The following CTSF variants were observed in gnomAD, a reference collection of about 807,000 sequenced individuals.
CTSF encodes cathepsin F.
In CTSF, 65 loss-of-function variants were observed where a neutral mutation model predicts 63.5. The ratio of observed to expected loss-of-function variants is 1.02; its 90% confidence interval spans 0.84 to 1.26. The LOEUF is 1.26. Ranked by LOEUF, CTSF falls within the 50% of genes most tolerant of loss-of-function variation. The pLI is 0.00. For synonymous variants in CTSF, 256 were observed against 258.1 expected, an observed-to-expected ratio of 0.99 and a Z score of 0.08; for missense variants, 641 against 631.0, an observed-to-expected ratio of 1.02 and a Z score of -0.17.
rs1857909672 is a variant in CTSF, at chr11:66,565,589, A to C, written c.1045+82T>G. ...CCAGTTCTGTGTAACTCTCATGCTC[A>C]TGTCTCCCCCCCATTATGAAGTAAC... On this transcript the variant is annotated intron_variant, in intron 8 of 12. Coordinates refer to ENST00000310325, the MANE Select transcript of CTSF (RefSeq NM_003793.4). 76 of 1,574,972 alleles carry C rather than the reference A, an allele frequency of 4.8e-5. 2 individuals carry two copies. The South Asian group carries it at 8.1e-4, about 17-fold the overall frequency.
chr11:66,567,993 C>T lies in CTSF; in HGVS notation c.303G>A (p.Lys101=). The change falls in exon 2 of 13, where the codon AAG becomes AAA. Residue 101 remains lysine (K), a synonymous_variant. Coordinates refer to ENST00000310325, the MANE Select transcript of CTSF (RefSeq NM_003793.4). ...DPMVCRLPVS[K]KTLLCSFQVL... ...GAGCCTCATCACTCACCAGGGTTTT[C>T]TTGGACACGGGGAGCCGGCACACCA... 6.3e-7 allele frequency: 1 copy of T among 1,592,474 alleles called. No individual in the cohort carries two copies. Among genetic ancestry groups the T allele is most frequent in the East Asian group, 2.3e-5 (1 of 44,444 alleles).
rs771117136 is a variant in CTSF, at chr11:66,565,890, C to A, written c.905G>T (p.Gly302Val). ...CGSCWAFSVT[G>V]NVEGQWFLNQ... ...GAGAAACCACTGGCCCTCCACATTG[C>A]CTGTGACTGAGAAGGCCCAGCAGGA... The change falls in exon 7 of 13, where the codon GGC (glycine) becomes GTC (valine). Residue 302 changes from glycine to valine, a missense_variant. Gly to Val is a moderately radical substitution (Grantham distance 109). Transcript: ENST00000310325. 1 of 1,614,076 alleles carries A rather than the reference C, an allele frequency of 6.2e-7. No homozygotes were observed. Among genetic ancestry groups the A allele is most frequent in the African/African-American group, 1.3e-5 (1 of 75,054 alleles).
intron 4 of CTSF, 40 bp downstream of exon 4, chr11:66,567,206 G>A (rs763186002): frequency 6.2e-7 from 1 of 1,607,824 alleles, no homozygotes; most frequent in East Asian, 2.2e-5. Context: ...GGAAAGTCCT[G>A]TTCTGATAGG....
At chr11:66,566,555 T>G in intron 4 of CTSF, 151 bp from the exon 5 acceptor site, 1 of 688,688 alleles carries the variant, frequency 1.5e-6, no homozygotes, top group Non-Finnish European at 2.5e-6. Context: ...GATCAACTTT[T>G]AGGGCCAAAC....
At chr11:66,566,818 G>A (rs1046401664) in intron 4 of CTSF, among the ~76,000 whole-genome samples, 1 of 151,958 alleles carries the variant, frequency 6.6e-6, no homozygotes, top group Non-Finnish European at 1.5e-5. Context: ...CCGCCTCCCA[G>A]GTTCAAGTGA....
At position 66,568,561 on chromosome 11, in the gene CTSF, G is replaced by A; in HGVS notation, c.-75C>T. On this transcript the variant is annotated 5_prime_UTR_variant, in exon 1 of 13. Transcript: ENST00000310325. Reference sequence around the variant, plus strand: ...ACCGGGTACCGAGCCCGCGGCCAGCGGGGCCTGAGTCCTCCCTCCAGCGGG... The same window carrying A: ...ACCGGGTACCGAGCCCGCGGCCAGCAGGGCCTGAGTCCTCCCTCCAGCGGG... 7 of 1,433,338 alleles carry A rather than the reference G, an allele frequency of 4.9e-6. No homozygotes were observed. Among genetic ancestry groups the A allele is most frequent in the Middle Eastern group, 2.5e-4 (1 of 4,014 alleles). 88.8% of individuals were successfully genotyped at this position (1,433,338 alleles called of 1,614,324 possible). A position where few individuals can be genotyped will look rare whatever the true frequency, so the allele number is the denominator to read the frequency against.
chr11:66,567,109 AG>A (rs1234658059), intron 4 of CTSF, 136 bp downstream of exon 4: 8 of 873,386 alleles, frequency 9.2e-6, no homozygotes, highest in Admixed American at 7.8e-5. Flanking sequence ...GGGAAGGCTT[AG>A]GGAGAGCTCA....
chr11:66,564,010 G>A lies in CTSF; in HGVS notation c.1381-3C>T, dbSNP rs111940284. ...CCACGATGCAAGTAGTAGTAACCCT[G>A]GGGGAGAGGGGGAGCTGGTGAGGGC... On this transcript the variant is annotated splice_polypyrimidine_tract_variant and splice_region_variant and intron_variant, in intron 12 of 12. Coordinates refer to ENST00000310325, the MANE Select transcript of CTSF (RefSeq NM_003793.4). The A allele has an allele frequency of 6.2e-7, 1 of 1,613,284 alleles. No homozygotes were observed. The highest frequency in any genetic ancestry group is 8.5e-7 in the Non-Finnish European group (1 of 1,179,528).
Position 66,568,017 on chromosome 11 carries a change from C to G in CTSF, c.279G>C (p.Met93Ile). The G allele has an allele frequency of 6.2e-7, 1 of 1,601,664 alleles. No individual in the cohort carries two copies. Among genetic ancestry groups the G allele is most frequent in the Non-Finnish European group, 8.5e-7 (1 of 1,175,138 alleles). ...TLEEPPCNDP[M>I]VCRLPVSKKT... The stretch of plus-strand genomic sequence containing the variant: ...TCTTGGACACGGGGAGCCGGCACAC[C>G]ATGGGGTCGTTGCAGGGTGGCTCCT... The change falls in exon 2 of 13, where the codon ATG (methionine) becomes ATC (isoleucine). Residue 93 changes from methionine to isoleucine, a missense_variant. Coordinates refer to ENST00000310325, the MANE Select transcript of CTSF (RefSeq NM_003793.4).
At chr11:66,564,494 G>T in intron 11 of CTSF, 64 bp downstream of exon 11, 2 of 1,386,308 alleles carry the variant, frequency 1.4e-6, no homozygotes, top group Non-Finnish European at 2.0e-6. Flanking sequence ...TAGAGGACCT[G>T]AGATGCTGTG....
intron 11 of CTSF, 50 bp downstream of exon 11, chr11:66,564,508 C>A: frequency 6.8e-7 from 1 of 1,460,776 alleles, no homozygotes; most frequent in Admixed American, 2.1e-5. Context: ...TGCTGTGATC[C>A]CACCCCTGCC....
At position 66,563,730 on chromosome 11, in the gene CTSF, A is replaced by C. The variant is rs1857858801; in HGVS notation, c.*203T>G. On this transcript the variant is annotated 3_prime_UTR_variant, in exon 13 of 13. Transcript: ENST00000310325. ...CTCCTAAGCTACCACAATTCAACAAAGGTGCAGGTGCAGAACTTCAGGGTG... is the reference window on the plus strand; with the variant it reads ...CTCCTAAGCTACCACAATTCAACAACGGTGCAGGTGCAGAACTTCAGGGTG... The C allele has an allele frequency of 1.6e-6, 1 of 629,776 alleles. No individual in the cohort carries two copies. The highest frequency in any genetic ancestry group is 1.8e-5 in the African/African-American group (1 of 54,530). The allele number at this position is 629,776 out of a possible 1,614,324, so 39.0% of individuals were successfully genotyped here.
rs766453048 is a variant in CTSF at position 66,565,705 on chromosome 11, C to T, written c.1011G>A (p.Leu337=). Residue 337 remains leucine (L), a synonymous_variant, in exon 8 of 13, where the codon TTG becomes TTA. Coordinates refer to ENST00000310325, the MANE Select transcript of CTSF (RefSeq NM_003793.4). ...TTATGGCCGAGTAGGCATTGGAGGGCAAGCCGCCCATGCAGGCCTTGTCCA... is the reference window on the plus strand; with the variant it reads ...TTATGGCCGAGTAGGCATTGGAGGGTAAGCCGCCCATGCAGGCCTTGTCCA... ...DKMDKACMGG[L]PSNAYSAIKN... is the part of the protein sequence containing the mutation. 2.5e-6 allele frequency: 4 copies of T among 1,613,726 alleles called. No homozygotes were observed. Among genetic ancestry groups the T allele is most frequent in the Non-Finnish European group, 3.4e-6 (4 of 1,180,050 alleles).
chr11:66,566,278 C>T lies in CTSF; in HGVS notation c.721+13G>A, dbSNP rs1857930563. ...CTTCCTGGATCCATGAGGACTGTGG[C>T]CACTATCCCTACCTGTGAGATCACT... On this transcript the variant is annotated intron_variant, in intron 5 of 12. Coordinates refer to ENST00000310325, the MANE Select transcript of CTSF (RefSeq NM_003793.4). The T allele has an allele frequency of 6.2e-7, 1 of 1,614,116 alleles. No individual in the cohort carries two copies. Among genetic ancestry groups the T allele is most frequent in the Non-Finnish European group, 8.5e-7 (1 of 1,179,990 alleles).
Position 66,568,560 on chromosome 11 carries a change from C to CG in CTSF, c.-75dup. On this transcript the variant is annotated 5_prime_UTR_variant, in exon 1 of 13. Coordinates refer to ENST00000310325, the MANE Select transcript of CTSF (RefSeq NM_003793.4). ...CACCGGGTACCGAGCCCGCGGCCAG[C>CG]GGGGCCTGAGTCCTCCCTCCAGCGG... The CG allele has an allele frequency of 1.4e-6, 2 of 1,440,078 alleles. No individual in the cohort carries two copies. Among genetic ancestry groups the CG allele is most frequent in the Non-Finnish European group, 1.8e-6 (2 of 1,101,062 alleles). The allele number at this position is 1,440,078 out of a possible 1,614,324, so 89.2% of individuals were successfully genotyped here. A position where few individuals can be genotyped will look rare whatever the true frequency, so the allele number is the denominator to read the frequency against.
intron 1 of CTSF, 89 bp downstream of exon 1, chr11:66,568,185 T>C (rs1290745439): frequency 1.3e-6 from 2 of 1,535,212 alleles, no homozygotes; most frequent in Non-Finnish European, 1.8e-6. Flanking sequence ...GATCGGTTCG[T>C]CCAGCGGGCA....
chr11:66,568,372 G>C lies in CTSF; in HGVS notation c.115C>G (p.Leu39Val). The stretch of plus-strand genomic sequence containing the variant: ...AGCGCGAAGCGGGTGGGCGCCAGCA[G>C]CTCCGGGGACGGCGGCCCCCAGGCC... ...FQAWGPPSPE[L>V]LAPTRFALEM... Residue 39 changes from leucine (L) to valine (V), a missense_variant, in exon 1 of 13, where the codon CTG becomes GTG. Transcript: ENST00000310325. 7.7e-7 allele frequency: 1 copy of C among 1,305,632 alleles called. No individual in the cohort carries two copies. The highest frequency in any genetic ancestry group is 9.7e-7 in the Non-Finnish European group (1 of 1,035,520). The allele number at this position is 1,305,632 out of a possible 1,614,324, so 80.9% of individuals were successfully genotyped here. A position where few individuals can be genotyped will look rare whatever the true frequency, so the allele number is the denominator to read the frequency against.
In CTSF at chr11:66,566,299, T is replaced by A; in HGVS notation, c.713A>T (p.Asp238Val). 6.2e-7 allele frequency: 1 copy of A among 1,614,058 alleles called. No individual in the cohort carries two copies. The highest frequency in any genetic ancestry group is 1.1e-5 in the South Asian group (1 of 91,068). The change falls in exon 5 of 13, where the codon GAT (aspartate) becomes GTT (valine). Residue 238 changes from aspartate to valine, a missense_variant. Physicochemically the swap from Asp to Val is radical, Grantham distance 152. Transcript: ENST00000310325. The part of the protein sequence containing the change: ...TAQYGVTKFS[D>V]LTEEEFRTIY... ...GTGGCCACTATCCCTACCTGTGAGA[T>A]CACTGAACTTGGTGACTCCATACTG...
chr11:66,567,255 A>C lies in CTSF; in HGVS notation c.598T>G (p.Ser200Ala), dbSNP rs1857951340. The part of the protein sequence containing the change: ...FVITYNRTYE[S>A]KEEARWRLSV... ...AAGGCTGGGTCCTCACCTTCCTTTG[A>C]CTCATATGTCCGGTTATAGGTAATG... is the stretch of plus-strand genomic sequence containing the variant. The change falls in exon 4 of 13, where the codon TCA becomes GCA. Residue 200 changes from serine (S) to alanine (A), a missense_variant. Ser to Ala is a moderately conservative substitution (Grantham distance 99). Transcript: ENST00000310325. 1.9e-6 allele frequency: 3 copies of C among 1,613,920 alleles called. No individual in the cohort carries two copies. The highest frequency in any genetic ancestry group is 2.5e-6 in the Non-Finnish European group (3 of 1,179,942).
Sources: allele counts gnomAD v4.1 joint callset (sites outside exome capture counted in the v4.1 genomes callset), GRCh38; gene constraint gnomAD v4.1.1; transcripts MANE v1.5; gene names NCBI Gene and HGNC (gene_info 2026-07-23, HGNC 2026-07-21).